EPHA6: variants seen among roughly 807,000 people sequenced by gnomAD.
EPHA6 encodes the protein ephrin type-A receptor 6.
EPHA6 carries 50 observed loss-of-function variants against 112.0 expected under a neutral mutation model. That is an observed-to-expected ratio of 0.45 (90% CI 0.36 to 0.56). The LOEUF is 0.56. EPHA6 is among the 20% of genes least tolerant of loss of function. The pLI is 0.00. For synonymous variants in EPHA6, 529 were observed against 490.7 expected, an observed-to-expected ratio of 1.08 and a Z score of -1.03; for missense variants, 1,280 against 1,417.4, an observed-to-expected ratio of 0.90 and a Z score of 1.56.
chr3:97,728,581 C>G (rs1480674918), intron 15 of EPHA6, among the ~76,000 whole-genome samples: 1 of 152,098 alleles, frequency 6.6e-6, no homozygotes, highest in African/African-American at 2.4e-5. Flanking sequence ...ACAGAAACAC[C>G]AGATCTAGAG....
chr3:97,380,166 A>C (rs1188426929), intron 5 of EPHA6, among the ~76,000 whole-genome samples: 1 of 152,198 alleles, frequency 6.6e-6, no homozygotes, highest in Non-Finnish European at 1.5e-5. Context: ...GATTTTCTGC[A>C]TTAATGTTTG....
intron 7 of EPHA6, among the ~76,000 whole-genome samples, chr3:97,464,118 A>G (rs1296197468): frequency 6.6e-6 from 1 of 152,120 alleles, no homozygotes; most frequent in Non-Finnish European, 1.5e-5. Context: ...TATAAATCAC[A>G]TTTCCCTTAG....
At chr3:97,490,567 A>G (rs1370077688) in intron 10 of EPHA6, among the ~76,000 whole-genome samples, 1 of 152,106 alleles carries the variant, frequency 6.6e-6, no homozygotes, top group Non-Finnish European at 1.5e-5. Flanking sequence ...TTTGATCCCT[A>G]TTTTCAAAAG....
rs145931440 is a variant in EPHA6 at position 96,879,949 on chromosome 3, G to A, written c.450+13060G>A. Among the ~76,000 whole-genome samples the A allele has an allele frequency of 3.4e-3, 511 of 152,044 alleles. 4 individuals are homozygous for A. Among genetic ancestry groups the A allele is most frequent in the African/African-American group, 0.012 (485 of 41,510 alleles). ...TAGGTATAAGATGATATCATCAGAAGCGAGGAGGATAGGAGGGGGCAGTGA... is the reference window on the plus strand; with the variant it reads ...TAGGTATAAGATGATATCATCAGAAACGAGGAGGATAGGAGGGGGCAGTGA... On this transcript the variant is annotated intron_variant, in intron 2 of 17. Transcript: ENST00000389672.
At chr3:97,063,249 G>A (rs2046078780) in intron 3 of EPHA6, among the ~76,000 whole-genome samples, 2 of 152,112 alleles carry the variant, frequency 1.3e-5, no homozygotes, top group Admixed American at 6.5e-5. Flanking sequence ...ATGCATGCAT[G>A]TGTATGTTCA....
intron 15 of EPHA6, among the ~76,000 whole-genome samples, chr3:97,722,907 A>G (rs2034594766): frequency 6.6e-6 from 1 of 152,142 alleles, no homozygotes; most frequent in Non-Finnish European, 1.5e-5. Context: ...CCACCCATTT[A>G]GTAACCATGG....
intron 5 of EPHA6, among the ~76,000 whole-genome samples, chr3:97,287,270 G>A (rs934560773): frequency 6.6e-6 from 1 of 151,858 alleles, no homozygotes; most frequent in Non-Finnish European, 1.5e-5. Context: ...CTAGGACTTG[G>A]CATCCTTGTC....
chr3:97,361,391 A>G (rs1215667418), intron 5 of EPHA6, among the ~76,000 whole-genome samples: 2 of 152,220 alleles, frequency 1.3e-5, no homozygotes, highest in Admixed American at 6.5e-5. Flanking sequence ...TGCCAGGTTC[A>G]GGAACAGTTG....
intron 13 of EPHA6, among the ~76,000 whole-genome samples, chr3:97,623,084 A>C (rs928657640): frequency 6.6e-6 from 1 of 151,508 alleles, no homozygotes; most frequent in Non-Finnish European, 1.5e-5. Context: ...GTGTTTTTTG[A>C]GGCACAAAAG....
At chr3:97,184,721 G>A (rs1559781839) in intron 3 of EPHA6, among the ~76,000 whole-genome samples, 1 of 152,018 alleles carries the variant, frequency 6.6e-6, no homozygotes, top group Non-Finnish European at 1.5e-5. Context: ...CTACTTTAAA[G>A]TTCATATGGA....
In EPHA6 at chr3:97,750,246, C is replaced by T. The variant is rs1398466787; in HGVS notation, c.*1545C>T. Among the ~76,000 whole-genome samples, 1 of 151,152 alleles carries T rather than the reference C, an allele frequency of 6.6e-6. No individual in the cohort carries two copies. The highest frequency in any genetic ancestry group is 1.9e-4 in the East Asian group (1 of 5,178). ...GGATCTCAGTGATAATGGTGCCCTA[C>T]CTACCCTAATTCTCAAATTCCTATC... On this transcript the variant is annotated 3_prime_UTR_variant, in exon 18 of 18. Transcript: ENST00000389672.
intron 3 of EPHA6, among the ~76,000 whole-genome samples, chr3:96,998,814 T>G (rs2043520513): frequency 2.0e-5 from 3 of 151,930 alleles, no homozygotes; most frequent in Admixed American, 6.6e-5. Context: ...AGAATTTTTA[T>G]TAAATATGTT....
chr3:96,878,967 A>T (rs1238563046), intron 2 of EPHA6, among the ~76,000 whole-genome samples: 4 of 152,032 alleles, frequency 2.6e-5, no homozygotes, highest in African/African-American at 9.7e-5. Context: ...GAATAAATTG[A>T]TTATTATTTT....
chr3:97,170,124 G>GA (rs11463071), intron 3 of EPHA6, among the ~76,000 whole-genome samples: 58,433 of 141,974 alleles, frequency 0.41, 13,917 homozygotes, highest in African/African-American at 0.68. Flanking sequence ...AGAACTTAAA[G>GA]AAAAAAAAAA....
At chr3:97,006,367 C>G (rs1404593882) in intron 3 of EPHA6, among the ~76,000 whole-genome samples, 1 of 152,110 alleles carries the variant, frequency 6.6e-6, no homozygotes, top group Non-Finnish European at 1.5e-5. Flanking sequence ...TTATCCATTT[C>G]TACTAGATTT....
chr3:97,547,709 C>G (rs112518411), intron 11 of EPHA6, among the ~76,000 whole-genome samples: 1 of 152,192 alleles, frequency 6.6e-6, no homozygotes, highest in African/African-American at 2.4e-5. Flanking sequence ...GTGGGCTCCA[C>G]CCAGTTCGAG....
intron 12 of EPHA6, among the ~76,000 whole-genome samples, chr3:97,595,783 C>A (rs2093583718): frequency 6.6e-6 from 1 of 151,624 alleles, no homozygotes; most frequent in African/African-American, 2.4e-5. Flanking sequence ...TGACGTAACT[C>A]TAAAATTTTA....
At chr3:97,203,151 G>GCT in intron 3 of EPHA6, among the ~76,000 whole-genome samples, 4 of 152,194 alleles carry the variant, frequency 2.6e-5, no homozygotes, top group Admixed American at 2.6e-4. Flanking sequence ...GTAGACTCTA[G>GCT]AGTCTCTGCT....
intron 3 of EPHA6, among the ~76,000 whole-genome samples, chr3:97,173,180 G>A (rs1576616443): frequency 6.6e-6 from 1 of 151,836 alleles, no homozygotes; most frequent in African/African-American, 2.4e-5. Context: ...AAATGTAAAT[G>A]TGAAATGTCA....
Sources: gnomAD v4.1 joint callset for allele counts (sites outside exome capture counted in the v4.1 genomes callset) on GRCh38, gnomAD v4.1.1 for gene constraint, MANE v1.5 for transcripts, NCBI Gene and HGNC (gene_info 2026-07-23, HGNC 2026-07-21) for gene names.